Variants in IGF1R observed in about 807,000 individuals in gnomAD.
The protein encoded by IGF1R is insulin like growth factor 1 receptor.
In IGF1R, 44 loss-of-function variants were observed where a neutral mutation model predicts 144.6. The observed-to-expected ratio is 0.30, with a 90% CI of 0.24 to 0.39. The LOEUF (loss-of-function observed/expected upper bound fraction) is 0.39. IGF1R is among the 10% of genes least tolerant of loss of function. The pLI, the probability that IGF1R is intolerant of heterozygous loss-of-function variation, is 1.00. For missense variants in IGF1R, 1,355 were observed against 1,833.7 expected, an observed-to-expected ratio of 0.74 and a Z score of 4.77; for synonymous variants, 795 against 722.8, an observed-to-expected ratio of 1.10 and a Z score of -1.60.
chr15:98,916,265 T>TTG, intron 9 of IGF1R, 134 bp downstream of exon 9: 2 of 835,634 alleles, frequency 2.4e-6, no homozygotes, highest in South Asian at 3.4e-5. Context: ...CTTCTGGTTT[T>TTG]TTTTTTTTTT....
chr15:98,729,268 G>T (rs1000495536), intron 2 of IGF1R, among the ~76,000 whole-genome samples: 10 of 152,166 alleles, frequency 6.6e-5, no homozygotes, highest in African/African-American at 2.2e-4. Flanking sequence ...ATTCTTCAGG[G>T]CTTAATTTAA....
At chr15:98,849,407 C>G (rs1479552910) in intron 2 of IGF1R, among the ~76,000 whole-genome samples, 1 of 152,150 alleles carries the variant, frequency 6.6e-6, no homozygotes, top group African/African-American at 2.4e-5. Context: ...ATGTACCAGG[C>G]TAGACTCCAA....
At chr15:98,776,774 G>A (rs1229201314) in intron 2 of IGF1R, among the ~76,000 whole-genome samples, 1 of 152,166 alleles carries the variant, frequency 6.6e-6, no homozygotes, top group Non-Finnish European at 1.5e-5. Context: ...TTTGGTCTGT[G>A]CCTTGGATGT....
chr15:98,939,064 G>T (rs553743389), intron 17 of IGF1R, 137 bp from the exon 18 acceptor site: 2 of 719,896 alleles, frequency 2.8e-6, no homozygotes, highest in Non-Finnish European at 4.8e-6. Context: ...TGTTCCTTCC[G>T]AGCAAGTCCT....
chr15:98,908,821 A>G lies in IGF1R; in HGVS notation c.1384A>G (p.Met462Val). ...ATTATGTGTTTCCGAAATTTACCGC[A>G]TGGAGGAAGTGACGGGGACTAAAGG... ...PKLCVSEIYR[M>V]EEVTGTKGRQ... The change falls in exon 6 of 21, where the codon ATG becomes GTG. Residue 462 changes from methionine (M) to valine (V), a missense_variant. Met to Val is a conservative substitution (Grantham distance 21). This residue lies in a region of IGF1R where 880 missense variants were observed against 1,202.7 expected (regional missense o/e 0.73). Transcript: ENST00000650285. 1.2e-6 allele frequency: 2 copies of G among 1,614,160 alleles called. No homozygotes were observed. The highest frequency in any genetic ancestry group is 1.7e-6 in the Non-Finnish European group (2 of 1,180,016).
At position 98,891,669 on chromosome 15, in the gene IGF1R, C is replaced by T. The variant is rs45540536; in HGVS notation, c.953+32C>T. ...CGCGGCCACACGTGTGGTCACTACC[C>T]GCCCCACCTCACCCGCCACCCTAGC... On this transcript the variant is annotated intron_variant, in intron 3 of 20. Coordinates refer to ENST00000650285, the MANE Select transcript of IGF1R (RefSeq NM_000875.5). This position sits in a 1 kb window ranked among gnomAD's most constrained non-coding sequence, Gnocchi z 4.7. 1.2e-3 allele frequency: 1,942 copies of T among 1,589,098 alleles called. 8 individuals carry two copies. In the Middle Eastern group the frequency reaches 0.012, roughly 10 times the overall value.
In IGF1R at chr15:98,923,897, G is replaced by C; in HGVS notation, c.2507G>C (p.Gly836Ala). Residue 836 changes from glycine (G) to alanine (A), a missense_variant, in exon 12 of 21, where the codon GGG becomes GCG. Coordinates refer to ENST00000650285, the MANE Select transcript of IGF1R (RefSeq NM_000875.5). ...ACAGAAGGAGCAGATGACATTCCTGGGCCAGTGACCTGGGAGCCAAGGCCT... is the reference window on the plus strand; with the variant it reads ...ACAGAAGGAGCAGATGACATTCCTGCGCCAGTGACCTGGGAGCCAAGGCCT... ...MPAEGADDIP[G>A]PVTWEPRPEN... 1 of 1,613,794 alleles carries C rather than the reference G, an allele frequency of 6.2e-7. No homozygotes were observed. Among genetic ancestry groups the C allele is most frequent in the African/African-American group, 1.3e-5 (1 of 75,020 alleles).
chr15:98,803,742 G>C (rs1217605813), intron 2 of IGF1R, among the ~76,000 whole-genome samples: 1 of 152,100 alleles, frequency 6.6e-6, no homozygotes, highest in African/African-American at 2.4e-5. Flanking sequence ...CTGACCTTAA[G>C]TGATCCACCC....
At chr15:98,833,499 G>T (rs2057039171) in intron 2 of IGF1R, among the ~76,000 whole-genome samples, 1 of 152,180 alleles carries the variant, frequency 6.6e-6, no homozygotes, top group Non-Finnish European at 1.5e-5. Context: ...TTTCATGTGG[G>T]TGACTTGACA....
At chr15:98,773,334 C>T (rs6598545) in intron 2 of IGF1R, among the ~76,000 whole-genome samples, 127,823 of 152,042 alleles carry the variant, frequency 0.84, 53,900 homozygotes, top group Admixed American at 0.88. Context: ...TTTACAAAAA[C>T]TCCCGTAATT....
chr15:98,770,201 G>A (rs1246559194), intron 2 of IGF1R, among the ~76,000 whole-genome samples: 1 of 152,188 alleles, frequency 6.6e-6, no homozygotes, highest in Non-Finnish European at 1.5e-5. Flanking sequence ...ACCATGGGCT[G>A]AATGAATGTC....
intron 2 of IGF1R, among the ~76,000 whole-genome samples, chr15:98,746,863 C>G (rs1255900666): frequency 6.6e-6 from 1 of 152,182 alleles, no homozygotes; most frequent in Non-Finnish European, 1.5e-5. Flanking sequence ...CCTCTTGGCA[C>G]TTGAATGGTG....
Position 98,957,655 on chromosome 15 carries a change from C to A in IGF1R, c.*213C>A, listed in dbSNP as rs750280890. On this transcript the variant is annotated 3_prime_UTR_variant, in exon 21 of 21. Transcript: ENST00000650285. ...TATGCAAGCAGCTTTTTATTCCCTG[C>A]CCAAACCCTTAACTGACATGGGCCT... 37 of 622,952 alleles carry A rather than the reference C, an allele frequency of 5.9e-5. No individual in the cohort carries two copies. Among genetic ancestry groups the A allele is most frequent in the Non-Finnish European group, 9.0e-5 (32 of 354,546 alleles). The allele number at this position is 622,952 out of a possible 1,614,324, so 38.6% of individuals were successfully genotyped here.
At chr15:98,748,279 T>C (rs923454111) in intron 2 of IGF1R, among the ~76,000 whole-genome samples, 10 of 152,164 alleles carry the variant, frequency 6.6e-5, no homozygotes, top group East Asian at 3.8e-4. Flanking sequence ...GGATCCTCCT[T>C]TTTCAGCCTC....
At chr15:98,944,906 C>T (rs1480171497) in intron 19 of IGF1R, among the ~76,000 whole-genome samples, 1 of 152,244 alleles carries the variant, frequency 6.6e-6, no homozygotes, top group East Asian at 1.9e-4. Flanking sequence ...ATTGGACCTT[C>T]TCTCTGTAGC....
At chr15:98,725,297 T>A (rs1028316177) in intron 2 of IGF1R, among the ~76,000 whole-genome samples, 7 of 152,222 alleles carry the variant, frequency 4.6e-5, no homozygotes, top group Admixed American at 6.5e-5. Flanking sequence ...ATTTAGTGTT[T>A]TCTGAATTGG....
At position 98,963,172 on chromosome 15, in the gene IGF1R, C is replaced by G. The variant is rs775811286; in HGVS notation, c.*5730C>G. Reference sequence around the variant, plus strand: ...AATTGCCGAAAATAATTTAAAGACACTTTTTTTTTCTCTGTGTGTGCAAAT... The same window carrying G: ...AATTGCCGAAAATAATTTAAAGACAGTTTTTTTTTCTCTGTGTGTGCAAAT... On this transcript the variant is annotated 3_prime_UTR_variant, in exon 21 of 21. Transcript: ENST00000650285. 4.5e-6 allele frequency: 1 copy of G among 222,536 alleles called. No homozygotes were observed. The highest frequency in any genetic ancestry group is 8.8e-6 in the Non-Finnish European group (1 of 114,144). 13.8% of individuals were successfully genotyped at this position (222,536 alleles called of 1,614,324 possible).
At chr15:98,653,975 A>G (rs1340642464) in intron 1 of IGF1R, among the ~76,000 whole-genome samples, 1 of 152,258 alleles carries the variant, frequency 6.6e-6, no homozygotes, top group East Asian at 1.9e-4. Context: ...ACTGTATGAA[A>G]GCTGACCTTG....
At chr15:98,893,277 A>G (rs1435337174) in intron 3 of IGF1R, among the ~76,000 whole-genome samples, 1 of 152,236 alleles carries the variant, frequency 6.6e-6, no homozygotes, top group East Asian at 1.9e-4. Flanking sequence ...CAAATCAAAG[A>G]TAATACATTC....
Sources: allele counts gnomAD v4.1 joint callset (sites outside exome capture counted in the v4.1 genomes callset), GRCh38; gene constraint gnomAD v4.1.1; regional missense constraint gnomAD v4.1.1; non-coding constraint Gnocchi (gnomAD v3.1); transcripts MANE v1.5; gene names NCBI Gene and HGNC (gene_info 2026-07-23, HGNC 2026-07-21).